SORBS2: variants seen among roughly 807,000 people sequenced by gnomAD.
SORBS2 encodes the protein sorbin and SH3 domain containing 2, also known as sorbin and SH3 domain-containing protein 2.
Under a neutral mutation model 97.7 loss-of-function variants are expected in SORBS2, and 46 were observed. The observed-to-expected ratio is 0.47, with a 90% CI of 0.37 to 0.60. SORBS2 has a LOEUF of 0.60. Among genes scored for constraint, SORBS2 ranks in the 20% least tolerant of loss-of-function variants. The pLI, the probability that SORBS2 is intolerant of heterozygous loss-of-function variation, is 0.00. For missense variants in SORBS2, 1,316 were observed against 1,282.3 expected (o/e 1.03, Z -0.40); for synonymous variants, 476 against 473.4 (o/e 1.01, Z -0.07).
chr4:185,901,271 T>C (rs1045402250), intron 1 of SORBS2, among the ~76,000 whole-genome samples: 1 of 152,060 alleles, frequency 6.6e-6, no homozygotes, highest in African/African-American at 2.4e-5. Flanking sequence ...TGGCACAATC[T>C]CGGCTCACCG....
chr4:185,904,407 A>G (rs2099249520), intron 1 of SORBS2, among the ~76,000 whole-genome samples: 1 of 152,176 alleles, frequency 6.6e-6, no homozygotes, highest in Non-Finnish European at 1.5e-5. Flanking sequence ...GGACAGAAGA[A>G]TCATCTTACT....
At chr4:185,855,663 C>T (rs527765543) in intron 1 of SORBS2, among the ~76,000 whole-genome samples, 24 of 152,282 alleles carry the variant, frequency 1.6e-4, no homozygotes, top group African/African-American at 5.8e-4. Context: ...ACTGAAGAAT[C>T]ACCAGGAATT....
intron 1 of SORBS2, among the ~76,000 whole-genome samples, chr4:185,802,612 A>G (rs180856273): frequency 3.9e-5 from 6 of 152,248 alleles, no homozygotes; most frequent in Admixed American, 3.9e-4. Context: ...CTGGAAGAGG[A>G]GAGCAGAGAA....
At chr4:185,612,537 T>TG (rs1367644582) in intron 11 of SORBS2, among the ~76,000 whole-genome samples, 1 of 150,958 alleles carries the variant, frequency 6.6e-6, no homozygotes, top group East Asian at 1.9e-4. Context: ...TCACCCGGGC[T>TG]GGAGTGCAGT....
chr4:185,679,262 G>T (rs10030353), intron 2 of SORBS2, among the ~76,000 whole-genome samples: 11 of 152,030 alleles, frequency 7.2e-5, no homozygotes, highest in Admixed American at 6.5e-4. Flanking sequence ...TCTGTAGTTC[G>T]CATTTTTTTT....
chr4:185,904,379 T>C (rs62336461), intron 1 of SORBS2, among the ~76,000 whole-genome samples: 19,362 of 152,134 alleles, frequency 0.13, 1,579 homozygotes, highest in Non-Finnish European at 0.18. Context: ...CCAGGGGTAG[T>C]GGATGGACTT....
chr4:185,847,597 A>G (rs1240725244), intron 1 of SORBS2, among the ~76,000 whole-genome samples: 1 of 152,166 alleles, frequency 6.6e-6, no homozygotes, highest in South Asian at 2.1e-4. Flanking sequence ...TAAGCGACAT[A>G]TGGCATGTGT....
intron 1 of SORBS2, among the ~76,000 whole-genome samples, chr4:185,840,806 C>T (rs2099211017): frequency 6.6e-6 from 1 of 152,096 alleles, no homozygotes; most frequent in African/African-American, 2.4e-5. Flanking sequence ...CAACAGAATC[C>T]AGCTCTGGAA....
chr4:185,595,739 T>C (rs1051399350), intron 12 of SORBS2, among the ~76,000 whole-genome samples: 3 of 151,490 alleles, frequency 2.0e-5, no homozygotes, highest in Non-Finnish European at 4.4e-5. Flanking sequence ...CTTTTTTTTT[T>C]AGTTTTGAAG....
At chr4:185,666,112 G>T in intron 4 of SORBS2, 1 of 1,289,816 alleles carries the variant, frequency 7.8e-7, no homozygotes, top group Non-Finnish European at 1.0e-6. Context: ...TACCACGGAA[G>T]GAGGGCACGG....
intron 4 of SORBS2, among the ~76,000 whole-genome samples, chr4:185,667,870 A>G (rs2097644065): frequency 6.6e-6 from 1 of 151,880 alleles, no homozygotes; most frequent in African/African-American, 2.4e-5. Flanking sequence ...GTGAAACTTT[A>G]ATATTATGAA....
At chr4:185,748,501 C>T (rs527319435) in intron 2 of SORBS2, among the ~76,000 whole-genome samples, 45 of 152,182 alleles carry the variant, frequency 3.0e-4, no homozygotes, top group Non-Finnish European at 5.0e-4. Context: ...CTGCCTAAGC[C>T]CCCCCACCAC....
upstream of SORBS2, chr4:185,657,447 C>T (rs756045058): frequency 2.3e-5 from 36 of 1,559,652 alleles, no homozygotes; most frequent in Admixed American, 1.3e-4. Flanking sequence ...GTGGGGATTC[C>T]GGATTCATCC....
chr4:185,859,948 T>A (rs2099222743), intron 1 of SORBS2, among the ~76,000 whole-genome samples: 1 of 152,156 alleles, frequency 6.6e-6, no homozygotes, highest in Non-Finnish European at 1.5e-5. Context: ...AACATGACAC[T>A]AAGTATTTAA....
At chr4:185,721,667 T>C (rs969801985) in intron 2 of SORBS2, among the ~76,000 whole-genome samples, 2 of 152,210 alleles carry the variant, frequency 1.3e-5, no homozygotes, top group Non-Finnish European at 2.9e-5. Context: ...TCAAATATTT[T>C]ACTGTAAAGT....
intron 2 of SORBS2, among the ~76,000 whole-genome samples, chr4:185,714,379 A>G (rs1398438384): frequency 1.3e-5 from 2 of 152,180 alleles, no homozygotes; most frequent in African/African-American, 4.8e-5. Context: ...AGTTTCATGG[A>G]TACACTTAGG....
At chr4:185,821,125 G>A (rs1380378155) in intron 1 of SORBS2, among the ~76,000 whole-genome samples, 1 of 152,218 alleles carries the variant, frequency 6.6e-6, no homozygotes, top group African/African-American at 2.4e-5. Context: ...CACGCCCGGG[G>A]GGCAAGGGGA....
chr4:185,675,463 T>A (rs2097777303), intron 4 of SORBS2: 1 of 152,208 alleles, frequency 6.6e-6, no homozygotes, highest in Admixed American at 6.5e-5. Context: ...CACTGCTGAG[T>A]AACGACTTCA....
At chr4:185,787,465 C>T (rs572778383) in intron 1 of SORBS2, among the ~76,000 whole-genome samples, 36 of 152,298 alleles carry the variant, frequency 2.4e-4, no homozygotes, top group African/African-American at 8.2e-4. Flanking sequence ...AACTGTTATA[C>T]GACCCGAGGG....
Sources: allele counts gnomAD v4.1 joint callset (sites outside exome capture counted in the v4.1 genomes callset), GRCh38; gene constraint gnomAD v4.1.1; transcripts MANE v1.5; gene names NCBI Gene and HGNC (gene_info 2026-07-23, HGNC 2026-07-21).